TMEM163: variants seen among roughly 807,000 people sequenced by gnomAD.
The protein encoded by TMEM163 is transmembrane protein 163.
A neutral mutation model predicts 29.3 loss-of-function variants in TMEM163; 17 were observed. The observed-to-expected ratio is 0.58, with a 90% confidence interval of 0.40 to 0.87. The LOEUF is 0.87. TMEM163 is among the 40% of genes least tolerant of loss of function. The pLI is 0.00. For missense variants in TMEM163, 303 were observed against 381.5 expected (o/e 0.79, Z 1.71); for synonymous variants, 157 against 160.6 (o/e 0.98, Z 0.17).
chr2:134,708,820 C>T (rs1476448610), intron 2 of TMEM163, among the ~76,000 whole-genome samples: 2 of 152,226 alleles, frequency 1.3e-5, no homozygotes, highest in East Asian at 1.9e-4. Context: ...AAACTCCTGA[C>T]TTCATGATCC....
At chr2:134,506,169 C>T (rs190833052) in intron 4 of TMEM163, among the ~76,000 whole-genome samples, 4 of 152,292 alleles carry the variant, frequency 2.6e-5, no homozygotes, top group African/African-American at 9.6e-5. Context: ...ATCCTATTTT[C>T]TTCACCAATA....
At chr2:134,481,162 C>T (rs515231) in intron 5 of TMEM163, among the ~76,000 whole-genome samples, 96,781 of 152,116 alleles carry the variant, frequency 0.64, 33,803 homozygotes, top group East Asian at 0.95. Flanking sequence ...TTGTTGCAGA[C>T]ATCAGCTGTT....
intron 2 of TMEM163, among the ~76,000 whole-genome samples, chr2:134,605,469 A>C (rs1558961692): frequency 1.3e-5 from 2 of 152,120 alleles, no homozygotes; most frequent in African/African-American, 4.8e-5. Flanking sequence ...AGGCTGAGGC[A>C]CGAGGATCAC....
At chr2:134,558,580 A>C (rs574785755) in intron 2 of TMEM163, among the ~76,000 whole-genome samples, 2 of 152,326 alleles carry the variant, frequency 1.3e-5, no homozygotes, top group East Asian at 3.9e-4. Context: ...GTGCAGCTGA[A>C]TCAGCAGCAG....
At chr2:134,458,253 C>A (rs982243124) in intron 6 of TMEM163, 80 bp from the exon 7 acceptor site, 2 of 1,549,662 alleles carry the variant, frequency 1.3e-6, no homozygotes, top group South Asian at 1.1e-5. Flanking sequence ...CCTGCCTCCA[C>A]GTAACTGGAG....
At chr2:134,658,051 T>TA (rs1683661950) in intron 2 of TMEM163, among the ~76,000 whole-genome samples, 1 of 152,170 alleles carries the variant, frequency 6.6e-6, no homozygotes, top group Admixed American at 6.5e-5. Flanking sequence ...TAGAAACAAA[T>TA]AGCCATAACA....
chr2:134,650,484 A>G (rs1408371634), intron 2 of TMEM163, among the ~76,000 whole-genome samples: 2 of 147,486 alleles, frequency 1.4e-5, no homozygotes, highest in Non-Finnish European at 3.0e-5. Flanking sequence ...TTCTTCTCCT[A>G]TTTGGATGCC....
chr2:134,462,749 A>G (rs1686574521), intron 6 of TMEM163, among the ~76,000 whole-genome samples: 2 of 152,368 alleles, frequency 1.3e-5, no homozygotes. Context: ...AGTGAAGCCT[A>G]GACCGAGATC....
At chr2:134,649,745 T>G (rs1253266840) in intron 2 of TMEM163, among the ~76,000 whole-genome samples, 1 of 152,086 alleles carries the variant, frequency 6.6e-6, no homozygotes, top group Non-Finnish European at 1.5e-5. Context: ...CTGAGCATGG[T>G]GACTCATGCC....
At chr2:134,471,736 C>T (rs537477515) in intron 5 of TMEM163, among the ~76,000 whole-genome samples, 4 of 152,250 alleles carry the variant, frequency 2.6e-5, no homozygotes, top group Admixed American at 2.0e-4. Context: ...AAGGTGCGGC[C>T]GCACCTACCA....
At chr2:134,671,073 C>T (rs777311964) in intron 2 of TMEM163, among the ~76,000 whole-genome samples, 1 of 152,192 alleles carries the variant, frequency 6.6e-6, no homozygotes, top group Non-Finnish European at 1.5e-5. Flanking sequence ...TGTCCCTGTC[C>T]AGCCGTGTCA....
chr2:134,694,182 GC>G (rs1684532251), intron 2 of TMEM163, among the ~76,000 whole-genome samples: 1 of 152,184 alleles, frequency 6.6e-6, no homozygotes, highest in Admixed American at 6.5e-5. Flanking sequence ...CTAAGTGTTA[GC>G]TAAGAAAATA....
intron 2 of TMEM163, among the ~76,000 whole-genome samples, chr2:134,699,230 A>G (rs1449373554): frequency 6.6e-6 from 1 of 152,218 alleles, no homozygotes; most frequent in Non-Finnish European, 1.5e-5. Flanking sequence ...GTGGCCAGGC[A>G]TGGTGGCTCA....
Position 134,456,726 on chromosome 2 carries a change from A to G in TMEM163, c.860T>C (p.Met287Thr), listed in dbSNP as rs1263329380. 1 of 1,613,968 alleles carries G rather than the reference A, an allele frequency of 6.2e-7. No homozygotes were observed. Among genetic ancestry groups the G allele is most frequent in the Non-Finnish European group, 8.5e-7 (1 of 1,179,964 alleles). The change falls in exon 8 of 8, where the codon ATG becomes ACG. Residue 287 changes from methionine to threonine, a missense_variant. Physicochemically the swap from Met to Thr is moderately conservative, Grantham distance 81. Around this residue, in one of 2 missense-constraint regions of TMEM163, gnomAD observed 203 missense variants for 294.3 expected, o/e 0.69. Transcript: ENST00000281924. Reference protein sequence around the residue: ...PRVRQTRHYEMFE With the variant: ...PRVRQTRHYETFE ...GGATGCTGGCCCCCTTCACTCAAAC[A>G]TCTCGTAGTGACGTGTCTGCCTCAC...
At chr2:134,538,824 T>G (rs1214868620) in intron 4 of TMEM163, among the ~76,000 whole-genome samples, 2 of 151,954 alleles carry the variant, frequency 1.3e-5, no homozygotes, top group African/African-American at 4.8e-5. Context: ...GGGCTGGGCA[T>G]GGGGAAGGAG....
intron 1 of TMEM163, among the ~76,000 whole-genome samples, chr2:134,718,443 G>A (rs1383594627): frequency 2.0e-5 from 3 of 152,236 alleles, no homozygotes; most frequent in Non-Finnish European, 4.4e-5. Context: ...CTTTTCCCGT[G>A]GGCGCCGGAG....
At chr2:134,586,622 G>T (rs1487133822) in intron 2 of TMEM163, among the ~76,000 whole-genome samples, 2 of 152,160 alleles carry the variant, frequency 1.3e-5, no homozygotes, top group African/African-American at 4.8e-5. Flanking sequence ...GATACTGGGA[G>T]TTAGGACTTC....
chr2:134,704,232 C>A (rs1368842825), intron 2 of TMEM163, among the ~76,000 whole-genome samples: 1 of 152,144 alleles, frequency 6.6e-6, no homozygotes, highest in Non-Finnish European at 1.5e-5. Flanking sequence ...AAGCTAAGTG[C>A]AGGGTATACA....
chr2:134,648,118 C>T (rs570836358), intron 2 of TMEM163, among the ~76,000 whole-genome samples: 10 of 152,094 alleles, frequency 6.6e-5, no homozygotes, highest in Admixed American at 3.9e-4. Flanking sequence ...ATTTTATTGG[C>T]GATGAAAGTG....
Sources: allele counts gnomAD v4.1 joint callset (sites outside exome capture counted in the v4.1 genomes callset), GRCh38; gene constraint gnomAD v4.1.1; regional missense constraint gnomAD v4.1.1; transcripts MANE v1.5; gene names NCBI Gene and HGNC (gene_info 2026-07-23, HGNC 2026-07-21).